Variants in TBC1D30 observed in about 807,000 individuals in gnomAD.
The protein encoded by TBC1D30 is TBC1 domain family, member 30.
TBC1D30 carries 31 observed loss-of-function variants against 63.2 expected under a neutral mutation model. The observed-to-expected ratio is 0.49, with a 90% confidence interval of 0.37 to 0.66. The LOEUF (loss-of-function observed/expected upper bound fraction) is 0.66. Among genes scored for constraint, TBC1D30 ranks in the 30% least tolerant of loss-of-function variants. TBC1D30 has a pLI of 0.00. For missense variants in TBC1D30, 810 were observed against 953.6 expected (o/e 0.85, Z 1.98); for synonymous variants, 307 against 361.5 (o/e 0.85, Z 1.71).
upstream of TBC1D30, among the ~76,000 whole-genome samples, chr12:64,776,350 A>G (rs984834776): frequency 6.6e-6 from 1 of 152,198 alleles, no homozygotes; most frequent in African/African-American, 2.4e-5. Flanking sequence ...TTAATAAGAT[A>G]GATAGACCAC....
At chr12:64,760,313 T>TA (rs1870452502) in intron 1 of TBC1D30, among the ~76,000 whole-genome samples, 2 of 152,234 alleles carry the variant, frequency 1.3e-5, no homozygotes, top group Admixed American at 1.3e-4. Flanking sequence ...CTCACGCTTG[T>TA]AATCCCAGCA....
In TBC1D30 at chr12:64,876,522, T is replaced by C. The variant is rs1236305774; in HGVS notation, c.*734T>C. The C allele has an allele frequency of 3.3e-6, 1 of 301,380 alleles. No individual in the cohort carries two copies. 18.7% of individuals were successfully genotyped at this position (301,380 alleles called of 1,614,324 possible). ...GCTCCGGACAGCTTGCTCGCGCCAC[T>C]GAGCTTTTCCTGAGGTTTGTGTTCG... On this transcript the variant is annotated 3_prime_UTR_variant, in exon 12 of 12. Transcript: ENST00000539867.
intron 7 of TBC1D30, 132 bp downstream of exon 7, chr12:64,838,983 GA>G (rs1327040942): frequency 1.1e-6 from 1 of 886,966 alleles, no homozygotes; most frequent in Non-Finnish European, 1.7e-6. Context: ...TTAGCCTCCT[GA>G]AATCTCAGCA....
At chr12:64,872,579 T>C (rs1259520695) in intron 11 of TBC1D30, among the ~76,000 whole-genome samples, 1 of 152,204 alleles carries the variant, frequency 6.6e-6, no homozygotes, top group Non-Finnish European at 1.5e-5. Flanking sequence ...TGCTAAAATA[T>C]TCACTCTGTT....
intron 1 of TBC1D30, among the ~76,000 whole-genome samples, chr12:64,775,092 C>CAA (rs111986258): frequency 9.3e-6 from 1 of 107,194 alleles, no homozygotes; most frequent in African/African-American, 3.5e-5. Flanking sequence ...GACTGTGTCT[C>CAA]AAAAAAAAAA....
intron 1 of TBC1D30, among the ~76,000 whole-genome samples, chr12:64,825,762 G>A (rs890597711): frequency 6.6e-5 from 10 of 152,336 alleles, no homozygotes; most frequent in Non-Finnish European, 1.3e-4. Flanking sequence ...GGGCTCCTGG[G>A]CACGGAGGTT....
chr12:64,855,229 T>C (rs1178527989), intron 8 of TBC1D30, among the ~76,000 whole-genome samples: 1 of 152,182 alleles, frequency 6.6e-6, no homozygotes. Flanking sequence ...TACTCATTTT[T>C]TTTTTCTTGC....
At chr12:64,775,669 A>C (rs536249681), upstream of TBC1D30, among the ~76,000 whole-genome samples, 1 of 152,146 alleles carries the variant, frequency 6.6e-6, no homozygotes, top group African/African-American at 2.4e-5. Context: ...AGAGTCCCAC[A>C]CAATAATAGT....
intron 2 of TBC1D30, among the ~76,000 whole-genome samples, chr12:64,806,476 C>A (rs1314824490): frequency 6.6e-6 from 1 of 152,110 alleles, no homozygotes; most frequent in Non-Finnish European, 1.5e-5. Flanking sequence ...ATACAGCCAG[C>A]TCACATCCAT....
chr12:64,861,905 G>A (rs1010892507), intron 8 of TBC1D30, among the ~76,000 whole-genome samples: 23 of 152,056 alleles, frequency 1.5e-4, no homozygotes, highest in Non-Finnish European at 2.8e-4. Flanking sequence ...TAAGTGATGG[G>A]GTGGAAATTA....
chr12:64,842,288 G>A (rs373043950), intron 7 of TBC1D30, among the ~76,000 whole-genome samples: 1 of 152,182 alleles, frequency 6.6e-6, no homozygotes, highest in East Asian at 1.9e-4. Context: ...AAGCCCAACA[G>A]GTGGAGGTTG....
At chr12:64,779,669 A>G (rs1419993756), upstream of TBC1D30, among the ~76,000 whole-genome samples, 1 of 152,222 alleles carries the variant, frequency 6.6e-6, no homozygotes, top group Non-Finnish European at 1.5e-5. Flanking sequence ...AGTGTGGTCA[A>G]GTATTTAATA....
At chr12:64,786,959 A>C (rs1399862132) in intron 2 of TBC1D30, among the ~76,000 whole-genome samples, 1 of 151,650 alleles carries the variant, frequency 6.6e-6, no homozygotes, top group Non-Finnish European at 1.5e-5. Context: ...AAAAATAAAT[A>C]AATAAAAATA....
rs1354433390 is a variant in TBC1D30 at position 64,857,275 on chromosome 12, A to AGGGTCCAAG, written c.1039-7391_1039-7383dup. On this transcript the variant is annotated intron_variant, in intron 8 of 11. Transcript: ENST00000539867. ...CCCTGGATATTGCTGGTTGTTATTC[A>AGGGTCCAAG]GGGTCCAAGGACTCTTTAGTCGGCA... is the stretch of plus-strand genomic sequence containing the variant. 1.6e-4 allele frequency among the ~76,000 whole-genome samples: 25 copies of AGGGTCCAAG among 152,234 alleles called. No homozygotes were observed. The East Asian group carries it at 4.6e-3, about 28-fold the overall frequency.
chr12:64,865,893 G>A (rs1878170550), intron 9 of TBC1D30, among the ~76,000 whole-genome samples: 2 of 152,150 alleles, frequency 1.3e-5, no homozygotes, highest in South Asian at 4.1e-4. Flanking sequence ...GCATAAGGAA[G>A]CTCTGTGTAT....
chr12:64,853,962 A>G (rs1440815450), intron 8 of TBC1D30, among the ~76,000 whole-genome samples: 2 of 152,208 alleles, frequency 1.3e-5, no homozygotes, highest in African/African-American at 4.8e-5. Flanking sequence ...ACCTGAGTCT[A>G]TATGTATCTT....
At chr12:64,776,039 A>G (rs73325409), upstream of TBC1D30, among the ~76,000 whole-genome samples, 96 of 152,330 alleles carry the variant, frequency 6.3e-4, 2 homozygotes, top group African/African-American at 2.2e-3. Flanking sequence ...GAGTAAATAA[A>G]TGAAATTAAG....
At chr12:64,820,115 C>T (rs1257725780), upstream of TBC1D30, among the ~76,000 whole-genome samples, 1 of 152,160 alleles carries the variant, frequency 6.6e-6, no homozygotes, top group Non-Finnish European at 1.5e-5. Flanking sequence ...TTGTCAGTCC[C>T]TGAAGATAAG....
At chr12:64,825,167 C>A (rs1874203580) in intron 1 of TBC1D30, 134 bp downstream of exon 1, 7 of 1,290,742 alleles carry the variant, frequency 5.4e-6, no homozygotes, top group Non-Finnish European at 7.2e-6. Flanking sequence ...CGGGGCACCG[C>A]GTTGGCACCT....
Sources: gnomAD v4.1 joint callset for allele counts (sites outside exome capture counted in the v4.1 genomes callset) on GRCh38, gnomAD v4.1.1 for gene constraint, MANE v1.5 for transcripts, NCBI Gene and HGNC (gene_info 2026-07-23, HGNC 2026-07-21) for gene names.